Variants in PTX3 observed in about 807,000 individuals in gnomAD.
PTX3 encodes the protein pentraxin-related protein PTX3.
A neutral mutation model predicts 23.5 loss-of-function variants in PTX3; 24 were observed. The observed-to-expected ratio is 1.02, with a 90% confidence interval of 0.74 to 1.43. The LOEUF (loss-of-function observed/expected upper bound fraction) is 1.43. Among genes scored for constraint, PTX3 ranks in the 40% most tolerant of loss-of-function variants. The pLI is 0.00. For missense variants in PTX3, 510 were observed against 497.5 expected, an observed-to-expected ratio of 1.02 and a Z score of -0.24; for synonymous variants, 218 against 205.4, an observed-to-expected ratio of 1.06 and a Z score of -0.53.
chr3:157,436,862 C>G lies in PTX3; in HGVS notation c.-72C>G. ...GCTCCAGCCTCTCACTCTCACTCTCCTCCGCTCAAACTCAGCTCACTTGAG... is the reference window on the plus strand; with the variant it reads ...GCTCCAGCCTCTCACTCTCACTCTCGTCCGCTCAAACTCAGCTCACTTGAG... On this transcript the variant is annotated 5_prime_UTR_variant, in exon 1 of 3. Transcript: ENST00000295927. 3 of 1,543,778 alleles carry G rather than the reference C, an allele frequency of 1.9e-6. No individual in the cohort carries two copies. The highest frequency in any genetic ancestry group is 2.6e-6 in the Non-Finnish European group (3 of 1,132,934).
intron 1 of PTX3, among the ~76,000 whole-genome samples, 174 bp downstream of exon 1, chr3:157,437,237 T>C (rs1389402429): frequency 6.6e-6 from 1 of 152,202 alleles, no homozygotes; most frequent in Admixed American, 6.5e-5. Context: ...TTCTGTAACG[T>C]ACATAATGGG....
At position 157,442,135 on chromosome 3, in the gene PTX3, G is replaced by A. The variant is rs117355576; in HGVS notation, c.533-231G>A. Among the ~76,000 whole-genome samples, 480 of 152,176 alleles carry A rather than the reference G, an allele frequency of 3.2e-3. 7 individuals carry two copies. The East Asian group carries it at 0.036, about 12-fold the overall frequency. On this transcript the variant is annotated intron_variant, in intron 2 of 2. Transcript: ENST00000295927. Reference sequence around the variant, plus strand: ...TGGACTAGTTGGCTCTTCTATTTGCGTGCTTTCTCTTCATTTAGATGCTTC... The same window carrying A: ...TGGACTAGTTGGCTCTTCTATTTGCATGCTTTCTCTTCATTTAGATGCTTC...
intron 2 of PTX3, among the ~76,000 whole-genome samples, chr3:157,440,414 G>A (rs1734027117): frequency 1.3e-5 from 2 of 152,090 alleles, no homozygotes. Context: ...ATCTGACATA[G>A]TTTACCACAC....
At chr3:157,438,665 G>A (rs1733874481) in intron 2 of PTX3, among the ~76,000 whole-genome samples, 1 of 152,148 alleles carries the variant, frequency 6.6e-6, no homozygotes, top group South Asian at 2.1e-4. Flanking sequence ...AAGCAGGAGA[G>A]AGACTGTTCA....
intron 2 of PTX3, among the ~76,000 whole-genome samples, chr3:157,441,734 T>C (rs531309346): frequency 2.0e-5 from 3 of 151,006 alleles, no homozygotes; most frequent in African/African-American, 7.3e-5. Flanking sequence ...CGCTTGAACC[T>C]GGGAAGCGAA....
Position 157,437,631 on chromosome 3 carries a change from CGAGCTGCAGAGGCTGCGGGAG to C in PTX3, c.256_276del (p.Gln86_Leu92del). 1 of 1,555,454 alleles carries C rather than the reference CGAGCTGCAGAGGCTGCGGGAG, an allele frequency of 6.4e-7. No individual in the cohort carries two copies. The highest frequency in any genetic ancestry group is 8.7e-7 in the Non-Finnish European group (1 of 1,152,456). ...AAGCCACGGACGACGTCCTGCGGGG[CGAGCTGCAGAGGCTGCGGGAG>C]GAGCTGGGCCGGCTCGCGGAAAGCC... is the stretch of plus-strand genomic sequence containing the variant. On this transcript the variant is annotated inframe_deletion, in exon 2 of 3. Transcript: ENST00000295927.
chr3:157,442,240 A>G lies in PTX3; in HGVS notation c.533-126A>G, dbSNP rs1045105773. ...TACAGTGGAAGCTTCTTAAGTCGTA[A>G]TGTAGGGTTTCACATAGCTTTCAAT... is the stretch of plus-strand genomic sequence containing the variant. On this transcript the variant is annotated intron_variant, in intron 2 of 2. Coordinates refer to ENST00000295927, the MANE Select transcript of PTX3 (RefSeq NM_002852.4). 3.4e-6 allele frequency: 3 copies of G among 887,810 alleles called. No homozygotes were observed. The Admixed American group carries it at 8.9e-5, about 26-fold the overall frequency. 55.0% of individuals were successfully genotyped at this position (887,810 alleles called of 1,614,324 possible).
rs1734267662 is a variant in PTX3 at position 157,443,081 on chromosome 3, G to A, written c.*102G>A. Reference sequence around the variant, plus strand: ...CTCAGTGCATAATAGGAACACTTGAGACTAATGAAAGAGAGAGTTGAGACC... The same window carrying A: ...CTCAGTGCATAATAGGAACACTTGAAACTAATGAAAGAGAGAGTTGAGACC... On this transcript the variant is annotated 3_prime_UTR_variant, in exon 3 of 3. Transcript: ENST00000295927. 2 of 1,348,672 alleles carry A rather than the reference G, an allele frequency of 1.5e-6. No individual in the cohort carries two copies. The highest frequency in any genetic ancestry group is 1.5e-5 in the South Asian group (1 of 66,288). The allele number at this position is 1,348,672 out of a possible 1,614,324, so 83.5% of individuals were successfully genotyped here. A position where few individuals can be genotyped will look rare whatever the true frequency, so the allele number is the denominator to read the frequency against.
chr3:157,437,132 CAT>C, intron 1 of PTX3, 69 bp downstream of exon 1: 1 of 1,560,038 alleles, frequency 6.4e-7, no homozygotes, highest in Non-Finnish European at 8.8e-7. Context: ...AAATAACACA[CAT>C]ATACTTTGTG....
rs373009649 is a variant in PTX3, at chr3:157,437,804, G to C, written c.422G>C (p.Arg141Pro). 23 of 1,460,870 alleles carry C rather than the reference G, an allele frequency of 1.6e-5. No homozygotes were observed. The highest frequency in any genetic ancestry group is 2.1e-5 in the Non-Finnish European group (23 of 1,120,582). 90.5% of individuals were successfully genotyped at this position (1,460,870 alleles called of 1,614,324 possible). ...LARMEGAEAQ[R>P]PEEAGRALAA... is the part of the protein sequence containing the mutation. ...CGTATGGAGGGCGCGGAGGCGCAGC[G>C]CCCAGAGGAGGCGGGGCGCGCCCTG... is the stretch of plus-strand genomic sequence containing the variant. Residue 141 changes from arginine (R) to proline (P), a missense_variant, in exon 2 of 3, where the codon CGC becomes CCC. Coordinates refer to ENST00000295927, the MANE Select transcript of PTX3 (RefSeq NM_002852.4).
intron 2 of PTX3, among the ~76,000 whole-genome samples, chr3:157,440,654 A>G (rs1421225975): frequency 7.9e-5 from 12 of 152,042 alleles, no homozygotes; most frequent in African/African-American, 2.9e-4. Flanking sequence ...ATCCATATGT[A>G]TATATGTGTG....
intron 2 of PTX3, among the ~76,000 whole-genome samples, chr3:157,439,782 G>A (rs144503818): frequency 0.012 from 1,882 of 152,134 alleles, 36 homozygotes; most frequent in African/African-American, 0.043. Flanking sequence ...ACGGAATCTC[G>A]CTCTGTCGCC....
rs367790555 is a variant in PTX3 at position 157,441,684 on chromosome 3, C to T, written c.533-682C>T. Among the ~76,000 whole-genome samples, 39 of 152,084 alleles carry T rather than the reference C, an allele frequency of 2.6e-4. No homozygotes were observed. The South Asian group carries it at 5.0e-3, about 19-fold the overall frequency. ...AGTTAGCTGGGCGCAGTGGTGTGCA[C>T]CTGTAGTCCCAGCTACTCCGGAAGC... On this transcript the variant is annotated intron_variant, in intron 2 of 2. Transcript: ENST00000295927.
chr3:157,437,779 CG>C lies in PTX3; in HGVS notation c.398del (p.Arg133LeufsTer21). On this transcript the variant is annotated frameshift_variant, in exon 2 of 3. Coordinates refer to ENST00000295927, the MANE Select transcript of PTX3 (RefSeq NM_002852.4). LOFTEE classifies it high-confidence loss of function. ...CCGCGACGCGGGCCGCAGGCTGGCG[CG>C]TATGGAGGGCGCGGAGGCGCAGCGC... ...ATRDAGRRLA[R>X]MEGAEAQRPE... 1 of 1,476,064 alleles carries C rather than the reference CG, an allele frequency of 6.8e-7. No homozygotes were observed. Among genetic ancestry groups the C allele is most frequent in the Non-Finnish European group, 8.9e-7 (1 of 1,125,066 alleles). The allele number at this position is 1,476,064 out of a possible 1,614,324, so 91.4% of individuals were successfully genotyped here.
intron 2 of PTX3, among the ~76,000 whole-genome samples, chr3:157,439,000 TA>T (rs1733903226): frequency 6.6e-6 from 1 of 152,222 alleles, no homozygotes; most frequent in Non-Finnish European, 1.5e-5. Context: ...GAATTTTATG[TA>T]ATGAGAGCAT....
rs749806282 is a variant in PTX3, at chr3:157,442,618, T to C, written c.785T>C (p.Val262Ala). Reference sequence around the variant, plus strand: ...AACAAACTGGTTGCTGAAGCCATGGTTTCCCTGGGAAGGTGGACCCACCTG... The same window carrying C: ...AACAAACTGGTTGCTGAAGCCATGGCTTCCCTGGGAAGGTGGACCCACCTG... The part of the protein sequence containing the change: ...EENKLVAEAM[V>A]SLGRWTHLCG... Residue 262 changes from valine (V) to alanine (A), a missense_variant, in exon 3 of 3, where the codon GTT (valine) becomes GCT (alanine). Val to Ala is a moderately conservative substitution (Grantham distance 64). Coordinates refer to ENST00000295927, the MANE Select transcript of PTX3 (RefSeq NM_002852.4). 1.2e-6 allele frequency: 2 copies of C among 1,614,216 alleles called. No homozygotes were observed. Among genetic ancestry groups the C allele is most frequent in the South Asian group, 2.2e-5 (2 of 91,078 alleles).
At position 157,442,551 on chromosome 3, in the gene PTX3, C is replaced by G. The variant is rs1002005370; in HGVS notation, c.718C>G (p.Leu240Val). ...GAATCCATATGAAATCCAGCTGTAT[C>G]TCAGCTACCAATCCATAGTGTTTGT... ...KRNPYEIQLY[L>V]SYQSIVFVVG... The change falls in exon 3 of 3, where the codon CTC (leucine) becomes GTC (valine). Residue 240 changes from leucine to valine, a missense_variant. By Grantham distance (32) the Leu-to-Val change is conservative (BLOSUM62 1). Coordinates refer to ENST00000295927, the MANE Select transcript of PTX3 (RefSeq NM_002852.4). 6.2e-7 allele frequency: 1 copy of G among 1,614,152 alleles called. No individual in the cohort carries two copies. Among genetic ancestry groups the G allele is most frequent in the South Asian group, 1.1e-5 (1 of 91,082 alleles).
Position 157,437,581 on chromosome 3 carries a change from C to T in PTX3, c.199C>T (p.Gln67Ter). Reference protein sequence around the residue: ...DKLFIMLENSQMRERMLLQAT... With the variant: ...DKLFIMLENS The stretch of plus-strand genomic sequence containing the variant: ...GCTCTTCATCATGCTGGAGAACTCG[C>T]AGATGAGAGAGCGCATGCTGCTGCA... Residue 67 changes from glutamine to a stop codon, truncating the protein, a stop_gained, in exon 2 of 3, where the codon CAG becomes TAG. Transcript: ENST00000295927. LOFTEE classifies it high-confidence loss of function. 6.3e-7 allele frequency: 1 copy of T among 1,592,394 alleles called. No individual in the cohort carries two copies. The highest frequency in any genetic ancestry group is 8.5e-7 in the Non-Finnish European group (1 of 1,171,238).
rs772867937 is a variant in PTX3, at chr3:157,437,548, T to G, written c.166T>G (p.Trp56Gly). The change falls in exon 2 of 3, where the codon TGG becomes GGG. Residue 56 changes from tryptophan (W) to glycine (G), a missense_variant. Transcript: ENST00000295927. ...PCACGQEHSE[W>G]DKLFIMLENS... ...CGCCTGCGGTCAGGAGCACTCGGAA[T>G]GGGACAAGCTCTTCATCATGCTGGA... 6.2e-7 allele frequency: 1 copy of G among 1,605,730 alleles called. No homozygotes were observed. The highest frequency in any genetic ancestry group is 1.1e-5 in the South Asian group (1 of 89,362).
Sources: gnomAD v4.1 joint callset for allele counts (sites outside exome capture counted in the v4.1 genomes callset) on GRCh38, gnomAD v4.1.1 for gene constraint, MANE v1.5 for transcripts, NCBI Gene and HGNC (gene_info 2026-07-23, HGNC 2026-07-21) for gene names.